The following CACNA2D3 variants were observed in gnomAD, a reference collection of about 807,000 sequenced individuals.
CACNA2D3 encodes calcium voltage-gated channel auxiliary subunit alpha2delta 3.
CACNA2D3 carries 60 observed loss-of-function variants against 160.6 expected under a neutral mutation model. The observed-to-expected ratio is 0.37, with a 90% CI of 0.30 to 0.46. CACNA2D3 has a LOEUF of 0.46. Ranked by LOEUF, CACNA2D3 falls within the 20% of genes least tolerant of loss-of-function variation. The probability of loss-of-function intolerance (pLI) is 1.00; values close to 1 mark genes in which losing one functional copy is unlikely to be tolerated. For missense variants in CACNA2D3, 1,205 were observed against 1,365.0 expected, an observed-to-expected ratio of 0.88 and a Z score of 1.85; for synonymous variants, 558 against 492.9, an observed-to-expected ratio of 1.13 and a Z score of -1.75.
rs543498248 is a variant in CACNA2D3, at chr3:54,621,376, G to A, written c.964-6411G>A. On this transcript the variant is annotated intron_variant, in intron 9 of 37. Coordinates refer to ENST00000474759, the MANE Select transcript of CACNA2D3 (RefSeq NM_018398.3). ...TTGTCAGAGATAAGCGGATGTGGCC[G>A]TGCTGCTGGCATTTGGCACAGGGAG... Among the ~76,000 whole-genome samples, 8 of 152,328 alleles carry A rather than the reference G, an allele frequency of 5.3e-5. No individual in the cohort carries two copies. The South Asian group carries it at 1.5e-3, about 28-fold the overall frequency.
At chr3:54,536,145 C>G (rs192187544) in intron 5 of CACNA2D3, among the ~76,000 whole-genome samples, 1 of 152,290 alleles carries the variant, frequency 6.6e-6, no homozygotes, top group African/African-American at 2.4e-5. Flanking sequence ...AGTGTTCAGC[C>G]TTGACCTCTA....
At chr3:55,018,938 A>G (rs558233217) in intron 35 of CACNA2D3, among the ~76,000 whole-genome samples, 1 of 142,444 alleles carries the variant, frequency 7.0e-6, no homozygotes, top group East Asian at 2.0e-4. Context: ...TTGACTCTTT[A>G]CAGATGCCTT....
At chr3:55,039,625 A>G (rs1451646923) in intron 35 of CACNA2D3, among the ~76,000 whole-genome samples, 1 of 152,162 alleles carries the variant, frequency 6.6e-6, no homozygotes, top group Non-Finnish European at 1.5e-5. Context: ...AGTCTTTGAT[A>G]ATTTCCTTGG....
At chr3:54,763,858 C>T (rs1424787637) in intron 12 of CACNA2D3, among the ~76,000 whole-genome samples, 3 of 43,018 alleles carry the variant, frequency 7.0e-5, no homozygotes, top group Admixed American at 2.5e-4. Flanking sequence ...CATATATATA[C>T]ATATATATAT....
intron 13 of CACNA2D3, among the ~76,000 whole-genome samples, chr3:54,770,378 C>T (rs780629517): frequency 1.3e-4 from 20 of 152,092 alleles, no homozygotes; most frequent in African/African-American, 2.2e-4. Context: ...CCAAAATAAG[C>T]GATTCTGACG....
At chr3:54,918,845 C>G (rs1700747557) in intron 27 of CACNA2D3, 1 of 1,580,048 alleles carries the variant, frequency 6.3e-7, no homozygotes, top group African/African-American at 1.4e-5. Context: ...AGGTCCTTTC[C>G]CTTCCAGGTG....
At chr3:54,645,307 A>T (rs1390509765) in intron 11 of CACNA2D3, among the ~76,000 whole-genome samples, 1 of 152,218 alleles carries the variant, frequency 6.6e-6, no homozygotes, top group South Asian at 2.1e-4. Flanking sequence ...ACCTCCCACC[A>T]GGTAGCTCCC....
intron 17 of CACNA2D3, among the ~76,000 whole-genome samples, chr3:54,854,622 C>T (rs1306991816): frequency 6.6e-6 from 1 of 152,134 alleles, no homozygotes; most frequent in Admixed American, 6.5e-5. Context: ...GCCCTCACCA[C>T]GGGTCTCGGG....
intron 35 of CACNA2D3, among the ~76,000 whole-genome samples, chr3:55,021,713 G>GTGTATATA (rs1215873354): frequency 7.3e-6 from 1 of 137,158 alleles, no homozygotes; most frequent in Non-Finnish European, 1.5e-5. Flanking sequence ...ATATATGTGT[G>GTGTATATA]TGTATATATA....
At chr3:54,523,490 G>C (rs1160590448) in intron 5 of CACNA2D3, among the ~76,000 whole-genome samples, 2 of 152,104 alleles carry the variant, frequency 1.3e-5, no homozygotes, top group Non-Finnish European at 2.9e-5. Context: ...TAGCTCTATA[G>C]TTTTCTTGTG....
chr3:54,170,466 A>G (rs754114336), intron 2 of CACNA2D3, among the ~76,000 whole-genome samples: 20 of 152,222 alleles, frequency 1.3e-4, no homozygotes, highest in South Asian at 2.1e-4. Flanking sequence ...TTAAGTCTTA[A>G]TGGCCAGATT....
intron 3 of CACNA2D3, among the ~76,000 whole-genome samples, chr3:54,353,295 T>C (rs1230522140): frequency 2.0e-5 from 3 of 152,150 alleles, no homozygotes; most frequent in Non-Finnish European, 4.4e-5. Context: ...GATGGAAACG[T>C]GAAATCCTTG....
At chr3:55,072,359 A>G (rs1395929128) in intron 35 of CACNA2D3, among the ~76,000 whole-genome samples, 2 of 152,200 alleles carry the variant, frequency 1.3e-5, no homozygotes, top group African/African-American at 4.8e-5. Context: ...CATTCAACAT[A>G]TGAGGTGGCA....
intron 2 of CACNA2D3, among the ~76,000 whole-genome samples, chr3:54,134,435 C>T (rs569705762): frequency 9.9e-4 from 151 of 152,214 alleles, no homozygotes; most frequent in African/African-American, 3.1e-3. Context: ...GTGGCCAGCA[C>T]GAAGGTACAG....
chr3:54,975,296 A>T (rs1327477879), intron 29 of CACNA2D3, among the ~76,000 whole-genome samples: 1 of 152,172 alleles, frequency 6.6e-6, no homozygotes, highest in Non-Finnish European at 1.5e-5. Flanking sequence ...AGGCAGGCAG[A>T]TCACTTGAGG....
chr3:54,604,814 C>T (rs982726560), intron 9 of CACNA2D3, among the ~76,000 whole-genome samples: 4 of 152,220 alleles, frequency 2.6e-5, no homozygotes, highest in African/African-American at 9.6e-5. Flanking sequence ...AGTGCTGTGC[C>T]TTGTTAACAT....
chr3:55,035,314 A>G (rs1703789301), intron 35 of CACNA2D3, among the ~76,000 whole-genome samples: 1 of 152,252 alleles, frequency 6.6e-6, no homozygotes, highest in Non-Finnish European at 1.5e-5. Flanking sequence ...TTTCAACTTA[A>G]TAATGAGCAA....
intron 11 of CACNA2D3, among the ~76,000 whole-genome samples, chr3:54,669,645 G>C (rs895787499): frequency 2.0e-5 from 3 of 152,138 alleles, no homozygotes; most frequent in Non-Finnish European, 4.4e-5. Context: ...GTCTTGCAAA[G>C]AGTGCTAGAC....
intron 5 of CACNA2D3, among the ~76,000 whole-genome samples, chr3:54,544,363 C>T (rs951545338): frequency 6.7e-6 from 1 of 149,232 alleles, no homozygotes; most frequent in African/African-American, 2.5e-5. Context: ...GTTCATTCCT[C>T]CAATCTTCTG....
Sources: gnomAD v4.1 joint callset for allele counts (sites outside exome capture counted in the v4.1 genomes callset) on GRCh38, gnomAD v4.1.1 for gene constraint, MANE v1.5 for transcripts, NCBI Gene and HGNC (gene_info 2026-07-23, HGNC 2026-07-21) for gene names.